Variants in SBF2 observed in about 807,000 individuals in gnomAD.
The protein encoded by SBF2 is myotubularin-related protein 13.
Under a neutral mutation model 225.2 loss-of-function variants are expected in SBF2, and 112 were observed. The observed-to-expected ratio is 0.50, with a 90% CI of 0.43 to 0.58. The LOEUF is 0.58. SBF2 is among the 20% of genes least tolerant of loss of function. The pLI, the probability that SBF2 is intolerant of heterozygous loss-of-function variation, is 0.00. For missense variants in SBF2, 1,996 were observed against 2,206.2 expected, an observed-to-expected ratio of 0.90 and a Z score of 1.91; for synonymous variants, 763 against 773.3, an observed-to-expected ratio of 0.99 and a Z score of 0.22.
chr11:9,996,605 G>A (rs916517606), intron 9 of SBF2, among the ~76,000 whole-genome samples: 1 of 151,924 alleles, frequency 6.6e-6, no homozygotes, highest in African/African-American at 2.4e-5. Context: ...TGGACAGGCT[G>A]GTCTCGAACT....
intron 1 of SBF2, among the ~76,000 whole-genome samples, chr11:10,222,088 T>C (rs1039672233): frequency 6.6e-6 from 1 of 152,160 alleles, no homozygotes; most frequent in Non-Finnish European, 1.5e-5. Flanking sequence ...ATAAAAGAAC[T>C]GAACTAAGAA....
intron 1 of SBF2, among the ~76,000 whole-genome samples, chr11:10,263,846 C>T (rs1302535024): frequency 2.0e-5 from 3 of 152,146 alleles, no homozygotes; most frequent in Non-Finnish European, 4.4e-5. Context: ...TCCAAATTAT[C>T]CACTTAAAAA....
intron 13 of SBF2, among the ~76,000 whole-genome samples, chr11:9,987,974 A>C (rs1947269396): frequency 6.6e-6 from 1 of 152,218 alleles, no homozygotes; most frequent in South Asian, 2.1e-4. Flanking sequence ...AAGACTAAGC[A>C]AAAAGAACAA....
At position 9,804,125 on chromosome 11, in the gene SBF2, A is replaced by G. The variant is rs185891445; in HGVS notation, c.4443+3875T>C. ...TTTCAGAGCAACAGATCGGAGGTTT[A>G]TTTTCTGAAAAACAAACAAACAAAA... On this transcript the variant is annotated intron_variant, in intron 32 of 39. Coordinates refer to ENST00000256190, the MANE Select transcript of SBF2 (RefSeq NM_030962.4). Among the ~76,000 whole-genome samples, 3 of 152,214 alleles carry G rather than the reference A, an allele frequency of 2.0e-5. No individual in the cohort carries two copies. In the East Asian group the frequency reaches 5.8e-4, roughly 29 times the overall value.
At chr11:10,058,577 G>A (rs1007573070) in intron 2 of SBF2, among the ~76,000 whole-genome samples, 7 of 152,136 alleles carry the variant, frequency 4.6e-5, no homozygotes, top group Non-Finnish European at 8.8e-5. Context: ...AGCAAACAAC[G>A]TGGAACATAT....
At chr11:10,180,298 G>A (rs1196901809) in intron 2 of SBF2, among the ~76,000 whole-genome samples, 2 of 151,864 alleles carry the variant, frequency 1.3e-5, no homozygotes, top group Non-Finnish European at 2.9e-5. Flanking sequence ...CTTTTGTTTG[G>A]GAAAGTATTT....
At chr11:10,273,158 T>C (rs986435532) in intron 1 of SBF2, among the ~76,000 whole-genome samples, 1 of 152,176 alleles carries the variant, frequency 6.6e-6, no homozygotes, top group Admixed American at 6.5e-5. Context: ...GAAGACCGTT[T>C]TTAGTTTTTG....
At chr11:9,998,077 T>C (rs1251277554) in intron 9 of SBF2, among the ~76,000 whole-genome samples, 189 bp downstream of exon 9, 3 of 152,230 alleles carry the variant, frequency 2.0e-5, no homozygotes, top group Non-Finnish European at 2.9e-5. Flanking sequence ...GGATCCAAAA[T>C]ATATGCTTTA....
intron 2 of SBF2, among the ~76,000 whole-genome samples, chr11:10,177,789 T>G (rs1036668026): frequency 2.0e-5 from 3 of 150,072 alleles, no homozygotes; most frequent in African/African-American, 7.4e-5. Context: ...ACAGATTCAA[T>G]GCCATCCCCA....
chr11:10,256,856 C>T (rs1960906797), intron 1 of SBF2, among the ~76,000 whole-genome samples: 1 of 152,164 alleles, frequency 6.6e-6, no homozygotes, highest in Non-Finnish European at 1.5e-5. Context: ...TCCTTTGACC[C>T]AGTATTTATC....
intron 2 of SBF2, among the ~76,000 whole-genome samples, chr11:10,056,677 G>A (rs1211685765): frequency 6.6e-6 from 1 of 152,180 alleles, no homozygotes; most frequent in Non-Finnish European, 1.5e-5. Context: ...TACATGAGTG[G>A]GTAATCCTGT....
chr11:9,881,739 C>G (rs147089257), intron 17 of SBF2, among the ~76,000 whole-genome samples: 1 of 151,716 alleles, frequency 6.6e-6, no homozygotes, highest in Non-Finnish European at 1.5e-5. Flanking sequence ...ACTCCCCATC[C>G]CCCCCCAATT....
intron 24 of SBF2, among the ~76,000 whole-genome samples, chr11:9,845,223 T>C (rs927948924): frequency 6.6e-6 from 1 of 152,188 alleles, no homozygotes; most frequent in African/African-American, 2.4e-5. Flanking sequence ...AGCAAATCTG[T>C]CCACTGGGCC....
intron 2 of SBF2, among the ~76,000 whole-genome samples, chr11:10,172,631 G>A (rs193185777): frequency 6.6e-6 from 1 of 152,310 alleles, no homozygotes; most frequent in Admixed American, 6.5e-5. Flanking sequence ...GGGATTACAG[G>A]TGTGAGCCAC....
intron 1 of SBF2, among the ~76,000 whole-genome samples, chr11:10,274,857 G>C (rs1347933638): frequency 6.6e-6 from 1 of 152,120 alleles, no homozygotes; most frequent in Non-Finnish European, 1.5e-5. Context: ...TCAAGAGTCT[G>C]CAAGTTTCTG....
At chr11:10,176,565 C>G (rs1956473479) in intron 2 of SBF2, among the ~76,000 whole-genome samples, 2 of 152,080 alleles carry the variant, frequency 1.3e-5, no homozygotes, top group African/African-American at 4.8e-5. Flanking sequence ...ACAAACACCT[C>G]TATGCAAATA....
At chr11:10,202,741 T>C (rs913276943) in intron 1 of SBF2, among the ~76,000 whole-genome samples, 2 of 152,158 alleles carry the variant, frequency 1.3e-5, no homozygotes, top group African/African-American at 4.8e-5. Flanking sequence ...TGAGCTGAGA[T>C]TGCGCCACTG....
At chr11:9,836,415 C>T (rs1268910730) in intron 26 of SBF2, among the ~76,000 whole-genome samples, 1 of 152,108 alleles carries the variant, frequency 6.6e-6, no homozygotes, top group East Asian at 1.9e-4. Context: ...AATCAAGTAT[C>T]CACATATGTT....
At chr11:9,924,906 G>C (rs558694227) in intron 16 of SBF2, among the ~76,000 whole-genome samples, 2 of 151,946 alleles carry the variant, frequency 1.3e-5, no homozygotes, top group Non-Finnish European at 2.9e-5. Context: ...ACACCATCAT[G>C]TCCAGCTATT....
Sources: gnomAD v4.1 joint callset for allele counts (sites outside exome capture counted in the v4.1 genomes callset) on GRCh38, gnomAD v4.1.1 for gene constraint, MANE v1.5 for transcripts, NCBI Gene and HGNC (gene_info 2026-07-23, HGNC 2026-07-21) for gene names.